The following SNX3 variants were observed in gnomAD, a reference collection of about 807,000 sequenced individuals.
SNX3 encodes the protein sorting nexin 3.
In SNX3, 5 loss-of-function variants were observed where a neutral mutation model predicts 17.7. The observed-to-expected ratio is 0.28, with a 90% CI of 0.15 to 0.59. The LOEUF (loss-of-function observed/expected upper bound fraction) is 0.59, where lower values mean the gene tolerates loss of function less well. SNX3 is among the 20% of genes least tolerant of loss of function. The pLI is 0.88. For synonymous variants in SNX3, 91 were observed against 76.5 expected, an observed-to-expected ratio of 1.19 and a Z score of -0.99; for missense variants, 132 against 206.8, an observed-to-expected ratio of 0.64 and a Z score of 2.22.
intron 1 of SNX3, among the ~76,000 whole-genome samples, chr6:108,244,647 G>GTTTTTTTTTTTTTT (rs1021781550): frequency 2.2e-4 from 19 of 87,236 alleles, no homozygotes; most frequent in Admixed American, 3.0e-4. Context: ...TAAGTAAGGA[G>GTTTTTTTTTTTTTT]TTTTTTTTTT....
intron 1 of SNX3, among the ~76,000 whole-genome samples, chr6:108,226,198 C>CT (rs1193781423): frequency 6.6e-6 from 1 of 152,126 alleles, no homozygotes; most frequent in Non-Finnish European, 1.5e-5. Context: ...CCTCAACCCC[C>CT]TGTGTAGCTC....
intron 1 of SNX3, among the ~76,000 whole-genome samples, chr6:108,227,646 T>A (rs1275268291): frequency 1.3e-5 from 2 of 152,248 alleles, no homozygotes; most frequent in Non-Finnish European, 2.9e-5. Context: ...TTATGATTTC[T>A]CTTTTTGCAT....
In SNX3 at chr6:108,260,947, C is replaced by CCGG; in HGVS notation, c.-27_-26insCCG. On this transcript the variant is annotated 5_prime_UTR_variant, in exon 1 of 4. Coordinates refer to ENST00000230085, the MANE Select transcript of SNX3 (RefSeq NM_003795.6). ...TTCGCTGTAGCTGCTGCCGCCGCCGCGGGCTCCCTCCGCCCCCTCCGCGTT... is the reference window on the plus strand; with the variant it reads ...TTCGCTGTAGCTGCTGCCGCCGCCGCCGGGGGCTCCCTCCGCCCCCTCCGCGTT... 1.3e-6 allele frequency: 2 copies of CCGG among 1,539,394 alleles called. No individual in the cohort carries two copies. The highest frequency in any genetic ancestry group is 1.7e-6 in the Non-Finnish European group (2 of 1,145,266).
At position 108,260,867 on chromosome 6, in the gene SNX3, T is replaced by G; in HGVS notation, c.55A>C (p.Asn19His). Residue 19 changes from asparagine (N) to histidine (H), a missense_variant, in exon 1 of 4, where the codon AAT becomes CAT. Asn to His is a moderately conservative substitution (Grantham distance 68). Coordinates refer to ENST00000230085, the MANE Select transcript of SNX3 (RefSeq NM_003795.6). ...RRLITKPQNL[N>H]DAYGPPSNFL... ...TTGCTGGGGGGTCCGTAGGCGTCAT[T>G]CAGGTTCTGCGGCTTGGTGATCAGC... The G allele has an allele frequency of 1.2e-6, 2 of 1,612,686 alleles. No homozygotes were observed. The highest frequency in any genetic ancestry group is 1.7e-6 in the Non-Finnish European group (2 of 1,179,348).
chr6:108,246,132 G>C (rs1366230133), intron 1 of SNX3, among the ~76,000 whole-genome samples: 1 of 151,942 alleles, frequency 6.6e-6, no homozygotes, highest in Non-Finnish European at 1.5e-5. Flanking sequence ...GTTAAGGAAG[G>C]GGTCCAGTTT....
chr6:108,217,016 G>A (rs960595847), intron 2 of SNX3, among the ~76,000 whole-genome samples: 17 of 152,050 alleles, frequency 1.1e-4, no homozygotes, highest in African/African-American at 3.9e-4. Context: ...TAACCATTAC[G>A]TTCCAGTAGA....
chr6:108,213,608 C>T (rs988261502), intron 3 of SNX3, among the ~76,000 whole-genome samples: 1 of 149,024 alleles, frequency 6.7e-6, no homozygotes. Flanking sequence ...GCCGAGACTG[C>T]ACCACTGCAC....
At chr6:108,212,777 G>T (rs1292450543) in intron 3 of SNX3, among the ~76,000 whole-genome samples, 1 of 151,826 alleles carries the variant, frequency 6.6e-6, no homozygotes, top group African/African-American at 2.4e-5. Flanking sequence ...TTCACTGCTT[G>T]TGGCACATGT....
At chr6:108,213,680 A>T (rs2114702280) in intron 3 of SNX3, among the ~76,000 whole-genome samples, 1 of 152,026 alleles carries the variant, frequency 6.6e-6, no homozygotes, top group African/African-American at 2.4e-5. Flanking sequence ...CTAATATAGT[A>T]CTGCCTTCTC....
chr6:108,219,734 T>C (rs1278611655), intron 2 of SNX3, among the ~76,000 whole-genome samples: 2 of 152,228 alleles, frequency 1.3e-5, no homozygotes, highest in Non-Finnish European at 2.9e-5. Context: ...TGAATGACAA[T>C]GCTATTTTTG....
At chr6:108,255,162 T>TG (rs1022474158) in intron 1 of SNX3, among the ~76,000 whole-genome samples, 2 of 152,204 alleles carry the variant, frequency 1.3e-5, no homozygotes, top group Non-Finnish European at 2.9e-5. Flanking sequence ...CTCTCCATTC[T>TG]GGGGATGGAT....
chr6:108,234,603 G>C (rs916201462), intron 1 of SNX3, among the ~76,000 whole-genome samples: 1 of 151,944 alleles, frequency 6.6e-6, no homozygotes, highest in African/African-American at 2.4e-5. Flanking sequence ...GAGTTTGCAT[G>C]GTAGACTTAT....
intron 2 of SNX3, among the ~76,000 whole-genome samples, chr6:108,220,923 G>T (rs934453802): frequency 2.6e-5 from 4 of 151,852 alleles, no homozygotes; most frequent in African/African-American, 9.7e-5. Context: ...GGAGGTTGCA[G>T]TGAGCCGACA....
In SNX3 at chr6:108,222,999, C is replaced by T. The variant is rs1774849456; in HGVS notation, c.209G>A (p.Arg70Lys). The T allele has an allele frequency of 6.2e-7, 1 of 1,609,222 alleles. No individual in the cohort carries two copies. Among genetic ancestry groups the T allele is most frequent in the Non-Finnish European group, 8.5e-7 (1 of 1,177,084 alleles). ...FKLKESTVRR[R>K]YSDFEWLRSE... ...TCGCAGCCATTCAAAGTCACTGTATCTTCTTCTAACAGTAGATTCTTTCAG... is the reference window on the plus strand; with the variant it reads ...TCGCAGCCATTCAAAGTCACTGTATTTTCTTCTAACAGTAGATTCTTTCAG... The change falls in exon 2 of 4, where the codon AGA becomes AAA. Residue 70 changes from arginine (R) to lysine (K), a missense_variant. Transcript: ENST00000230085.
At position 108,260,895 on chromosome 6, in the gene SNX3, C is replaced by T. The variant is rs772523736; in HGVS notation, c.27G>A (p.Arg9=). The T allele has an allele frequency of 1.5e-5, 24 of 1,608,716 alleles. No individual in the cohort carries two copies. Among genetic ancestry groups the T allele is most frequent in the Non-Finnish European group, 1.9e-5 (22 of 1,177,482 alleles). The change falls in exon 1 of 4, where the codon CGG becomes CGA. Residue 9 remains arginine, a synonymous_variant. Coordinates refer to ENST00000230085, the MANE Select transcript of SNX3 (RefSeq NM_003795.6). ...GGTTCTGCGGCTTGGTGATCAGCCG[C>T]CGGGTGTCAGCCACGGTCTCCGCCA... MAETVADT[R]RLITKPQNLN... is the part of the protein sequence containing the mutation.
chr6:108,217,641 T>C (rs1178088836), intron 2 of SNX3, among the ~76,000 whole-genome samples: 1 of 151,662 alleles, frequency 6.6e-6, no homozygotes, highest in African/African-American at 2.4e-5. Context: ...TTGTAACCCC[T>C]TTACTCAGGA....
intron 1 of SNX3, among the ~76,000 whole-genome samples, chr6:108,259,129 A>G (rs1776114173): frequency 6.6e-6 from 1 of 152,232 alleles, no homozygotes; most frequent in Admixed American, 6.5e-5. Context: ...GACAATTAGA[A>G]AAACATTCAC....
At position 108,254,963 on chromosome 6, in the gene SNX3, G is replaced by A. The variant is rs549711424; in HGVS notation, c.162+5797C>T. Among the ~76,000 whole-genome samples, 4 of 152,264 alleles carry A rather than the reference G, an allele frequency of 2.6e-5. No homozygotes were observed. The East Asian group carries it at 7.7e-4, about 29-fold the overall frequency. ...AAATGAGGAAAGGACAAGAGATGAG[G>A]ATCAGTTGATCAGCTTCTACAGGAA... On this transcript the variant is annotated intron_variant, in intron 1 of 3. Transcript: ENST00000230085.
intron 2 of SNX3, among the ~76,000 whole-genome samples, chr6:108,215,128 T>C (rs559855167): frequency 8.3e-4 from 126 of 151,892 alleles, no homozygotes; most frequent in African/African-American, 2.9e-3. Flanking sequence ...GGCGGGCAGA[T>C]CACAGGGTCA....
Sources: gnomAD v4.1 joint callset for allele counts (sites outside exome capture counted in the v4.1 genomes callset) on GRCh38, gnomAD v4.1.1 for gene constraint, MANE v1.5 for transcripts, NCBI Gene and HGNC (gene_info 2026-07-23, HGNC 2026-07-21) for gene names.